The following E4F1 variants were observed in gnomAD, a reference collection of about 807,000 sequenced individuals.
E4F1 encodes transcription factor E4F1.
Under a neutral mutation model 72.9 loss-of-function variants are expected in E4F1, and 30 were observed. That is an observed-to-expected ratio of 0.41 (90% confidence interval 0.31 to 0.56). E4F1 has a LOEUF of 0.56. Among genes scored for constraint, E4F1 ranks in the 20% least tolerant of loss-of-function variants. The probability of loss-of-function intolerance (pLI) is 0.25; values close to 1 mark genes in which losing one functional copy is unlikely to be tolerated. For synonymous variants in E4F1, 542 were observed against 478.2 expected (o/e 1.13, Z -1.74); for missense variants, 1,091 against 1,117.5 (o/e 0.98, Z 0.34).
chr16:2,235,651 G>A lies in E4F1; in HGVS notation c.*79G>A. The A allele has an allele frequency of 1.5e-6, 2 of 1,309,686 alleles. No individual in the cohort carries two copies. The highest frequency in any genetic ancestry group is 2.1e-6 in the Non-Finnish European group (2 of 969,446). The allele number at this position is 1,309,686 out of a possible 1,614,324, so 81.1% of individuals were successfully genotyped here. A position where few individuals can be genotyped will look rare whatever the true frequency, so the allele number is the denominator to read the frequency against. ...GCCCCACCCATGCCTGCCTGGCCTG[G>A]TAGAGAAGATGGCACAGGATGGAGG... On this transcript the variant is annotated 3_prime_UTR_variant, in exon 14 of 14. Coordinates refer to ENST00000301727, the MANE Select transcript of E4F1 (RefSeq NM_004424.5).
chr16:2,226,159 G>A (rs1424327351), intron 1 of E4F1, among the ~76,000 whole-genome samples: 5 of 152,180 alleles, frequency 3.3e-5, no homozygotes, highest in African/African-American at 9.6e-5. Flanking sequence ...ATTGGGTTGA[G>A]GGTGGTCTTG....
At chr16:2,226,938 G>A (rs1166292613) in intron 1 of E4F1, among the ~76,000 whole-genome samples, 1 of 152,282 alleles carries the variant, frequency 6.6e-6, no homozygotes, top group Non-Finnish European at 1.5e-5. Context: ...GCCAGAGCCA[G>A]TGGGCATCAG....
Position 2,229,563 on chromosome 16 carries a change from T to C in E4F1, c.310-7T>C. The C allele has an allele frequency of 1.2e-6, 2 of 1,608,950 alleles. No homozygotes were observed. The highest frequency in any genetic ancestry group is 1.7e-6 in the Non-Finnish European group (2 of 1,179,478). ...ACGACTCCCCTGTTTTCTTCCCCCT[T>C]TGGCAGGTGGTGCCGGCAGCACCAG... is the stretch of plus-strand genomic sequence containing the variant. On this transcript the variant is annotated splice_polypyrimidine_tract_variant and splice_region_variant and intron_variant, in intron 2 of 13. Transcript: ENST00000301727.
At chr16:2,223,832 G>A in intron 1 of E4F1, 62 bp downstream of exon 1, 2 of 1,530,842 alleles carry the variant, frequency 1.3e-6, no homozygotes, top group South Asian at 1.2e-5. Context: ...GGCTGGCAGA[G>A]GCCCGGATGG....
Position 2,233,547 on chromosome 16 carries a change from A to T in E4F1, c.1166A>T (p.Glu389Val). ...GTCCTTGAGCGCGCTGCTGGGGAGG[A>T]GGGTGCCCTGGAGCCAGCTCCTGCT... ...GIVLERAAGE[E>V]GALEPAPAAG... The change falls in exon 8 of 14, where the codon GAG becomes GTG. Residue 389 changes from glutamate to valine, a missense_variant. Physicochemically the swap from Glu to Val is moderately radical, Grantham distance 121 (BLOSUM62 -2). Coordinates refer to ENST00000301727, the MANE Select transcript of E4F1 (RefSeq NM_004424.5). The T allele has an allele frequency of 6.6e-7, 1 of 1,519,884 alleles. No individual in the cohort carries two copies. Among genetic ancestry groups the T allele is most frequent in the Non-Finnish European group, 8.8e-7 (1 of 1,133,370 alleles). 94.1% of individuals were successfully genotyped at this position (1,519,884 alleles called of 1,614,324 possible).
chr16:2,224,289 C>T (rs1226026268), intron 1 of E4F1, among the ~76,000 whole-genome samples: 2 of 152,204 alleles, frequency 1.3e-5, no homozygotes, highest in Admixed American at 6.5e-5. Flanking sequence ...CCACACTTGC[C>T]GCTTTCTAGT....
At chr16:2,234,014 C>T in intron 9 of E4F1, 24 bp downstream of exon 9, 1 of 1,566,314 alleles carries the variant, frequency 6.4e-7, no homozygotes, top group Non-Finnish European at 8.7e-7. Flanking sequence ...GGGTGTGTGG[C>T]CCATGGCAGT....
chr16:2,232,972 G>C, intron 6 of E4F1, 39 bp from the exon 7 acceptor site: 3 of 1,610,538 alleles, frequency 1.9e-6, no homozygotes, highest in Non-Finnish European at 2.5e-6. Context: ...CGCCACTGGG[G>C]TGTGTGAGGG....
chr16:2,224,370 C>T (rs2093418605), intron 1 of E4F1, among the ~76,000 whole-genome samples: 1 of 152,254 alleles, frequency 6.6e-6, no homozygotes. Flanking sequence ...GCGGCGGCTT[C>T]TGCCAGTAAT....
chr16:2,223,926 C>T (rs975942581), intron 1 of E4F1, 156 bp downstream of exon 1: 1 of 1,530,274 alleles, frequency 6.5e-7, no homozygotes, highest in Non-Finnish European at 8.7e-7. Context: ...CACGAAACCC[C>T]CAGGTTTGCT....
rs143134295 is a variant in E4F1, at chr16:2,229,587, A to T, written c.327A>T (p.Pro109=). 177 of 1,611,722 alleles carry T rather than the reference A, an allele frequency of 1.1e-4. No homozygotes were observed. In the African/African-American group the frequency reaches 2.2e-3, roughly 20 times the overall value. Residue 109 remains proline (P), a synonymous_variant, in exon 3 of 14, where the codon CCA becomes CCT. Transcript: ENST00000301727. The part of the protein sequence containing the change: ...LLGQEVVPAA[P]GPEEPITVAH... Reference sequence around the variant, plus strand: ...TTTGGCAGGTGGTGCCGGCAGCACCAGGCCCAGAGGAGCCCATCACTGTGG... The same window carrying T: ...TTTGGCAGGTGGTGCCGGCAGCACCTGGCCCAGAGGAGCCCATCACTGTGG...
intron 3 of E4F1, chr16:2,230,361 G>C (rs2093460065): frequency 6.5e-6 from 1 of 153,886 alleles, no homozygotes; most frequent in Non-Finnish European, 1.4e-5. Context: ...GCATTCAGAG[G>C]CAGCCAGGGC....
intron 3 of E4F1, chr16:2,231,194 C>G (rs1012151286): frequency 1.3e-5 from 2 of 152,450 alleles, no homozygotes; most frequent in African/African-American, 4.8e-5. Flanking sequence ...CGTGCCAGGT[C>G]CTGTCTTTGC....
intron 13 of E4F1, 32 bp from the exon 14 acceptor site, chr16:2,235,184 A>G: frequency 6.2e-7 from 1 of 1,610,410 alleles, no homozygotes; most frequent in South Asian, 1.1e-5. Flanking sequence ...GCTCCCTGGC[A>G]CAGCCGCTCT....
chr16:2,225,721 C>T (rs2093427358), intron 1 of E4F1, among the ~76,000 whole-genome samples: 1 of 150,738 alleles, frequency 6.6e-6, no homozygotes, highest in Non-Finnish European at 1.5e-5. Context: ...ATCTGCCCGC[C>T]TCAGCCTCCC....
In E4F1 at chr16:2,235,678, G is replaced by A. The variant is rs527879308; in HGVS notation, c.*106G>A. 3.7e-5 allele frequency: 34 copies of A among 913,308 alleles called. No homozygotes were observed. In the East Asian group the frequency reaches 5.8e-4, roughly 16 times the overall value. 56.6% of individuals were successfully genotyped at this position (913,308 alleles called of 1,614,324 possible). A position where few individuals can be genotyped will look rare whatever the true frequency, so the allele number is the denominator to read the frequency against. On this transcript the variant is annotated 3_prime_UTR_variant, in exon 14 of 14. Coordinates refer to ENST00000301727, the MANE Select transcript of E4F1 (RefSeq NM_004424.5). The stretch of plus-strand genomic sequence containing the variant: ...AGAGAAGATGGCACAGGATGGAGGC[G>A]CCCCAAGACGGACAGTGTACATAAG...
rs1328333324 is a variant in E4F1 at position 2,233,624 on chromosome 16, C to G, written c.1243C>G (p.Leu415Val). 1 of 1,520,252 alleles carries G rather than the reference C, an allele frequency of 6.6e-7. No individual in the cohort carries two copies. Among genetic ancestry groups the G allele is most frequent in the East Asian group, 2.5e-5 (1 of 40,524 alleles). 94.2% of individuals were successfully genotyped at this position (1,520,252 alleles called of 1,614,324 possible). ...AGTGGCAGCCCCGCAGCTGCCGGTA[C>G]TGGAAGTGCAGCCGCTGGAGACAGT... Reference protein sequence around the residue: ...LAVAAPQLPVLEVQPLETQVA... With the variant: ...LAVAAPQLPVVEVQPLETQVA... Residue 415 changes from leucine to valine, a missense_variant, in exon 8 of 14, where the codon CTG becomes GTG. Physicochemically the swap from Leu to Val is conservative, Grantham distance 32. Transcript: ENST00000301727.
rs202007289 is a variant in E4F1 at position 2,228,527 on chromosome 16, A to T, written c.309+4A>T. 705 of 1,611,052 alleles carry T rather than the reference A, an allele frequency of 4.4e-4. 4 individuals carry two copies. The highest frequency in any genetic ancestry group is 6.8e-4 in the Middle Eastern group (4 of 5,894). ...CACAGCGTTGCTGGGCCAGGAGGTG[A>T]GCCCTCACCCACTCCCCCATCCCCT... On this transcript the variant is annotated splice_donor_region_variant and intron_variant, in intron 2 of 13. Transcript: ENST00000301727.
At position 2,234,191 on chromosome 16, in the gene E4F1, G is replaced by C. The variant is rs137969975; in HGVS notation, c.1396G>C (p.Ala466Pro). 1.9e-6 allele frequency: 3 copies of C among 1,612,334 alleles called. No individual in the cohort carries two copies. Among genetic ancestry groups the C allele is most frequent in the East Asian group, 2.2e-5 (1 of 44,890 alleles). Residue 466 changes from alanine to proline, a missense_variant, in exon 10 of 14, where the codon GCG becomes CCG. Physicochemically the swap from Ala to Pro is conservative, Grantham distance 27. Coordinates refer to ENST00000301727, the MANE Select transcript of E4F1 (RefSeq NM_004424.5). The part of the protein sequence containing the change: ...GHTGPRPFAC[A>P]QCGKAFPKAY... ...TGCAGGGCCGAGGCCGTTCGCCTGCGCGCAGTGTGGCAAGGCCTTCCCCAA... is the reference window on the plus strand; with the variant it reads ...TGCAGGGCCGAGGCCGTTCGCCTGCCCGCAGTGTGGCAAGGCCTTCCCCAA...
Sources: gnomAD v4.1 joint callset for allele counts (sites outside exome capture counted in the v4.1 genomes callset) on GRCh38, gnomAD v4.1.1 for gene constraint, MANE v1.5 for transcripts, NCBI Gene and HGNC (gene_info 2026-07-23, HGNC 2026-07-21) for gene names.